Variants in GAD1 observed in about 807,000 individuals in gnomAD.
The protein encoded by GAD1 is glutamate decarboxylase 1.
A neutral mutation model predicts 75.2 loss-of-function variants in GAD1; 35 were observed. The ratio of observed to expected loss-of-function variants is 0.47; its 90% CI spans 0.36 to 0.62. The LOEUF (loss-of-function observed/expected upper bound fraction) is 0.62, where lower values mean the gene tolerates loss of function less well. Among genes scored for constraint, GAD1 ranks in the 20% least tolerant of loss-of-function variants. GAD1 has a pLI of 0.00. For missense variants in GAD1, 490 were observed against 758.5 expected, an observed-to-expected ratio of 0.65 and a Z score of 4.16; for synonymous variants, 257 against 271.9, an observed-to-expected ratio of 0.95 and a Z score of 0.54.
At chr2:170,845,403 C>T (rs1702607581) in intron 7 of GAD1, 103 bp from the exon 8 acceptor site, 2 of 1,005,912 alleles carry the variant, frequency 2.0e-6, no homozygotes, top group African/African-American at 1.6e-5. Flanking sequence ...TATCCTTTCG[C>T]TTCCTGACCT....
intron 6 of GAD1, among the ~76,000 whole-genome samples, chr2:170,837,574 A>C (rs1375264694): frequency 6.6e-6 from 1 of 151,936 alleles, no homozygotes; most frequent in Admixed American, 6.6e-5. Context: ...TTTTAAGAAA[A>C]TGTCAGATTA....
intron 10 of GAD1, 134 bp from the exon 11 acceptor site, chr2:170,847,542 C>T (rs2105801671): frequency 1.3e-6 from 1 of 760,232 alleles, no homozygotes; most frequent in South Asian, 1.4e-5. Context: ...CACTACTAGA[C>T]ATAGTATCTG....
upstream of GAD1, among the ~76,000 whole-genome samples, chr2:170,815,847 G>C (rs923288008): frequency 6.6e-6 from 1 of 152,256 alleles, no homozygotes; most frequent in Non-Finnish European, 1.5e-5. Flanking sequence ...GGCTCCGCTC[G>C]GGCGCTGGCG....
intron 3 of GAD1, among the ~76,000 whole-genome samples, chr2:170,827,622 G>A (rs1318355381): frequency 6.6e-6 from 1 of 152,186 alleles, no homozygotes; most frequent in Non-Finnish European, 1.5e-5. Flanking sequence ...GAGGGGCAGA[G>A]GTGAGGCACT....
chr2:170,821,999 C>A, intron 2 of GAD1, 88 bp from the exon 3 acceptor site: 1 of 1,132,908 alleles, frequency 8.8e-7, no homozygotes, highest in Non-Finnish European at 1.3e-6. Flanking sequence ...AAGTCCTCAT[C>A]CTCCCCCAAG....
At chr2:170,815,537 A>G (rs45484595), upstream of GAD1, among the ~76,000 whole-genome samples, 411 of 152,236 alleles carry the variant, frequency 2.7e-3, 9 homozygotes, top group Admixed American at 0.023. Flanking sequence ...GTGAAAGGCG[A>G]TAAGGCATTC....
At chr2:170,828,342 CTCCCTCTGCTGTCCTCATCCCCT>C (rs1702091796) in intron 3 of GAD1, among the ~76,000 whole-genome samples, 1 of 141,088 alleles carries the variant, frequency 7.1e-6, no homozygotes, top group African/African-American at 2.7e-5. Context: ...TGTCATCTTC[CTCCCTCTGCTGTCCTCATCCCCT>C]TCCCTCTGCT....
At chr2:170,829,423 CA>C (rs945052217) in intron 3 of GAD1, 51 bp from the exon 4 acceptor site, 1 of 1,603,710 alleles carries the variant, frequency 6.2e-7, no homozygotes, top group African/African-American at 1.3e-5. Flanking sequence ...AGCTGACCCT[CA>C]GGGGCTGGGC....
In GAD1 at chr2:170,858,733, A is replaced by G. The variant is rs558608360; in HGVS notation, c.1522-71A>G. 4 of 1,362,920 alleles carry G rather than the reference A, an allele frequency of 2.9e-6. No homozygotes were observed. The East Asian group carries it at 6.9e-5, about 24-fold the overall frequency. 84.4% of individuals were successfully genotyped at this position (1,362,920 alleles called of 1,614,324 possible). On this transcript the variant is annotated intron_variant, in intron 15 of 16. Coordinates refer to ENST00000358196, the MANE Select transcript of GAD1 (RefSeq NM_000817.3). ...TCCAAGAGACTTCCACCAAGGATGCATATTGGTTTGGGAACAGCTTTCTCT... is the reference window on the plus strand; with the variant it reads ...TCCAAGAGACTTCCACCAAGGATGCGTATTGGTTTGGGAACAGCTTTCTCT...
At chr2:170,841,462 G>A (rs1702513826) in intron 6 of GAD1, among the ~76,000 whole-genome samples, 1 of 152,172 alleles carries the variant, frequency 6.6e-6, no homozygotes, top group South Asian at 2.1e-4. Context: ...AACTTTGGGA[G>A]GCAAAGGCGG....
chr2:170,818,305 C>T lies in GAD1; in HGVS notation c.-63-224C>T, dbSNP rs1701766552. On this transcript the variant is annotated intron_variant, in intron 1 of 16. Transcript: ENST00000358196. The surrounding 1 kb of genome is among the most constrained non-coding windows in gnomAD (Gnocchi z 5.9). ...ATGCACCGCCAGACTCGAGAGCGGC[C>T]CAGGGCTACGCTCCCTGCGCCCCAG... The T allele has an allele frequency of 3.9e-6, 2 of 514,808 alleles. No homozygotes were observed. Among genetic ancestry groups the T allele is most frequent in the African/African-American group, 1.9e-5 (1 of 52,022 alleles). 31.9% of individuals were successfully genotyped at this position (514,808 alleles called of 1,614,324 possible).
intron 16 of GAD1, 40 bp from the exon 17 acceptor site, chr2:170,859,669 A>T: frequency 6.2e-7 from 1 of 1,603,092 alleles, no homozygotes; most frequent in Non-Finnish European, 8.5e-7. Flanking sequence ...GAGGGTGTTC[A>T]TATCAATCTT....
In GAD1 at chr2:170,853,018, T is replaced by A; in HGVS notation, c.1263+226T>A. The stretch of plus-strand genomic sequence containing the variant: ...TTCTTTGATCAGTACTCAGGGTCTG[T>A]CAGCAACTGAACCTTTAAGGAAATT... On this transcript the variant is annotated intron_variant, in intron 13 of 16. Transcript: ENST00000358196. This position sits in a 1 kb window ranked among gnomAD's most constrained non-coding sequence, Gnocchi z 4.1. The A allele has an allele frequency of 1.7e-6, 1 of 596,792 alleles. No individual in the cohort carries two copies. The highest frequency in any genetic ancestry group is 2.0e-5 in the South Asian group (1 of 50,200). 37.0% of individuals were successfully genotyped at this position (596,792 alleles called of 1,614,324 possible).
intron 3 of GAD1, among the ~76,000 whole-genome samples, chr2:170,823,139 T>C (rs907291017): frequency 6.6e-6 from 1 of 152,174 alleles, no homozygotes; most frequent in Non-Finnish European, 1.5e-5. Context: ...GGGCAGAGGT[T>C]GGAGAGGCGG....
rs142272099 is a variant in GAD1 at position 170,845,220 on chromosome 2, C to T, written c.752-286C>T. On this transcript the variant is annotated intron_variant, in intron 7 of 16. Transcript: ENST00000358196. ...CCTTTGCAGCCACTGATGCAGCTAC[C>T]TCTTATATTTCTGTCTAGACTTCAG... is the stretch of plus-strand genomic sequence containing the variant. 17 of 488,928 alleles carry T rather than the reference C, an allele frequency of 3.5e-5. No homozygotes were observed. In the East Asian group the frequency reaches 6.7e-4, roughly 19 times the overall value. 30.3% of individuals were successfully genotyped at this position (488,928 alleles called of 1,614,324 possible). A position where few individuals can be genotyped will look rare whatever the true frequency, so the allele number is the denominator to read the frequency against.
chr2:170,857,013 A>C lies in GAD1; in HGVS notation c.1414-5A>C. On this transcript the variant is annotated splice_polypyrimidine_tract_variant and splice_region_variant and intron_variant, in intron 14 of 16. Coordinates refer to ENST00000358196, the MANE Select transcript of GAD1 (RefSeq NM_000817.3). Reference sequence around the variant, plus strand: ...CCACAAACATGACTTTTCTCTTTAAAACAGGGCACAGTGGGATTTGAAAAC... The same window carrying C: ...CCACAAACATGACTTTTCTCTTTAACACAGGGCACAGTGGGATTTGAAAAC... 6.2e-7 allele frequency: 1 copy of C among 1,612,710 alleles called. No homozygotes were observed. Among genetic ancestry groups the C allele is most frequent in the Non-Finnish European group, 8.5e-7 (1 of 1,178,832 alleles).
At chr2:170,817,618 CGA>C (rs1203893172) in intron 1 of GAD1, 1 of 152,374 alleles carries the variant, frequency 6.6e-6, no homozygotes, top group African/African-American at 2.4e-5. Context: ...GCGCCAGCGC[CGA>C]GAGTCGAGCA....
rs1701906290 is a variant in GAD1 at position 170,822,231 on chromosome 2, GA to G, written c.145+83del. The stretch of plus-strand genomic sequence containing the variant: ...GGCTTGGGAGACTGGGACGCAAGCG[GA>G]GGGGGATCCGGGCTCATGGGTCTGA... On this transcript the variant is annotated intron_variant, in intron 3 of 16. Coordinates refer to ENST00000358196, the MANE Select transcript of GAD1 (RefSeq NM_000817.3). 5 of 1,168,962 alleles carry G rather than the reference GA, an allele frequency of 4.3e-6. No homozygotes were observed. The South Asian group carries it at 5.1e-5, about 12-fold the overall frequency. 72.4% of individuals were successfully genotyped at this position (1,168,962 alleles called of 1,614,324 possible).
intron 2 of GAD1, among the ~76,000 whole-genome samples, chr2:170,819,908 G>C (rs577446051): frequency 3.9e-5 from 6 of 152,272 alleles, no homozygotes; most frequent in African/African-American, 1.4e-4. Flanking sequence ...AGGAGGTCTC[G>C]TGTTAAGTCC....
Sources: gnomAD v4.1 joint callset for allele counts (sites outside exome capture counted in the v4.1 genomes callset) on GRCh38, gnomAD v4.1.1 for gene constraint, Gnocchi (gnomAD v3.1) non-coding constraint, MANE v1.5 for transcripts, NCBI Gene and HGNC (gene_info 2026-07-23, HGNC 2026-07-21) for gene names.